SLIT2: variants seen among roughly 807,000 people sequenced by gnomAD.
The protein encoded by SLIT2 is slit guidance ligand 2.
Under a neutral mutation model 185.7 loss-of-function variants are expected in SLIT2, and 41 were observed. The observed-to-expected ratio is 0.22, with a 90% CI of 0.17 to 0.29. SLIT2 has a LOEUF of 0.29. Among genes scored for constraint, SLIT2 ranks in the 10% least tolerant of loss-of-function variants. The pLI, the probability that SLIT2 is intolerant of heterozygous loss-of-function variation, is 1.00. For missense variants in SLIT2, 1,571 were observed against 1,909.0 expected (o/e 0.82, Z 3.30); for synonymous variants, 693 against 680.2 (o/e 1.02, Z -0.29).
chr4:20,392,814 T>G (rs1417973267), intron 4 of SLIT2, among the ~76,000 whole-genome samples: 1 of 152,058 alleles, frequency 6.6e-6, no homozygotes, highest in African/African-American at 2.4e-5. Flanking sequence ...TGGAATGTCT[T>G]CAGAAGCGAT....
At chr4:20,354,053 G>C (rs1380704785) in intron 4 of SLIT2, among the ~76,000 whole-genome samples, 2 of 152,120 alleles carry the variant, frequency 1.3e-5, no homozygotes, top group African/African-American at 4.8e-5. Flanking sequence ...AAAGAGTGCT[G>C]TGTTAGCAGT....
At chr4:20,512,124 A>G (rs1719811370) in intron 11 of SLIT2, among the ~76,000 whole-genome samples, 1 of 152,186 alleles carries the variant, frequency 6.6e-6, no homozygotes, top group African/African-American at 2.4e-5. Context: ...AAGTCGGCAC[A>G]TTTTTATTTT....
intron 4 of SLIT2, among the ~76,000 whole-genome samples, chr4:20,430,061 G>A (rs1728855044): frequency 6.6e-6 from 1 of 152,052 alleles, no homozygotes; most frequent in African/African-American, 2.4e-5. Context: ...TAGAACATAA[G>A]ATGTTGGCTG....
intron 4 of SLIT2, among the ~76,000 whole-genome samples, chr4:20,314,359 G>C (rs1718391033): frequency 6.6e-6 from 1 of 152,158 alleles, no homozygotes; most frequent in South Asian, 2.1e-4. Context: ...CACAGTTTTA[G>C]AGGTTTATGT....
intron 5 of SLIT2, among the ~76,000 whole-genome samples, chr4:20,473,075 A>G (rs1311394827): frequency 1.3e-5 from 2 of 151,926 alleles, no homozygotes; most frequent in Non-Finnish European, 2.9e-5. Flanking sequence ...TTCAAAAAGG[A>G]CATATTTTAA....
intron 33 of SLIT2, among the ~76,000 whole-genome samples, chr4:20,598,928 A>G (rs1357607635): frequency 6.6e-6 from 1 of 152,182 alleles, no homozygotes; most frequent in Non-Finnish European, 1.5e-5. Context: ...TAGCTTGCAC[A>G]TGAGCTTCCT....
chr4:20,583,757 C>T (rs1008287523), intron 29 of SLIT2, among the ~76,000 whole-genome samples: 1 of 151,672 alleles, frequency 6.6e-6, no homozygotes, highest in African/African-American at 2.4e-5. Context: ...TGCAGTGAGC[C>T]AAGATCATGC....
At chr4:20,381,296 A>G (rs1354337706) in intron 4 of SLIT2, among the ~76,000 whole-genome samples, 1 of 152,054 alleles carries the variant, frequency 6.6e-6, no homozygotes, top group Admixed American at 6.6e-5. Flanking sequence ...ACCAGTGATG[A>G]AGAGAATATT....
At chr4:20,477,872 A>G (rs1013798086) in intron 5 of SLIT2, among the ~76,000 whole-genome samples, 1 of 152,198 alleles carries the variant, frequency 6.6e-6, no homozygotes, top group Non-Finnish European at 1.5e-5. Context: ...ATTGCAAATC[A>G]CATCTGAAGA....
intron 4 of SLIT2, among the ~76,000 whole-genome samples, chr4:20,270,968 A>T (rs1234320446): frequency 6.6e-6 from 1 of 151,260 alleles, no homozygotes; most frequent in Non-Finnish European, 1.5e-5. Context: ...CTTGTTTATG[A>T]TGGTGATAAT....
At chr4:20,422,653 A>G (rs967562301) in intron 4 of SLIT2, among the ~76,000 whole-genome samples, 2 of 152,100 alleles carry the variant, frequency 1.3e-5, no homozygotes, top group Non-Finnish European at 2.9e-5. Context: ...AGATGGTCTG[A>G]TCAGGGCAAG....
At chr4:20,472,713 T>C (rs1237512118) in intron 5 of SLIT2, among the ~76,000 whole-genome samples, 1 of 144,630 alleles carries the variant, frequency 6.9e-6, no homozygotes, top group African/African-American at 2.5e-5. Context: ...TTGAACAGGG[T>C]CATGTTACAT....
At chr4:20,259,647 T>C (rs1369397175) in intron 3 of SLIT2, among the ~76,000 whole-genome samples, 1 of 151,834 alleles carries the variant, frequency 6.6e-6, no homozygotes, top group African/African-American at 2.4e-5. Context: ...AACCAGATGC[T>C]ATATGCTCTG....
intron 9 of SLIT2, among the ~76,000 whole-genome samples, chr4:20,503,357 A>G (rs927620997): frequency 2.6e-5 from 4 of 152,162 alleles, no homozygotes; most frequent in African/African-American, 9.7e-5. Flanking sequence ...AATTTTTTAA[A>G]ACTAAAATAA....
At position 20,553,901 on chromosome 4, in the gene SLIT2, T is replaced by C. The variant is rs1484002442; in HGVS notation, c.2658T>C (p.Cys886=). ...SEYKEPGIAR[C]AGPGEMADKL... is the part of the protein sequence containing the mutation. Reference sequence around the variant, plus strand: ...ATAAGGAGCCTGGAATTGCTCGTTGTGCTGGTCCTGGAGAAATGGCAGATA... The same window carrying C: ...ATAAGGAGCCTGGAATTGCTCGTTGCGCTGGTCCTGGAGAAATGGCAGATA... The change falls in exon 26 of 37, where the codon TGT becomes TGC. Residue 886 remains cysteine (C), a synonymous_variant. Coordinates refer to ENST00000504154, the MANE Select transcript of SLIT2 (RefSeq NM_004787.4). The C allele has an allele frequency of 6.2e-7, 1 of 1,613,172 alleles. No homozygotes were observed. The highest frequency in any genetic ancestry group is 2.2e-5 in the East Asian group (1 of 44,860).
At chr4:20,268,955 T>TGTGTGTGCTTTCCTGGAATCTGTTC in intron 4 of SLIT2, 74 bp downstream of exon 4, 1 of 900,098 alleles carries the variant, frequency 1.1e-6, no homozygotes, top group Non-Finnish European at 1.9e-6. Flanking sequence ...TGGATCTGTT[T>TGTGTGTGCTTTCCTGGAATCTGTTC]GTGTGTGCTT....
rs758041849 is a variant in SLIT2, at chr4:20,519,378, T to G, written c.1059-4T>G. ...ATTTTTTTCATTTAAAATATTTTTT[T>G]CAGTGTCCTCTATGGAAATAAAATC... On this transcript the variant is annotated splice_polypyrimidine_tract_variant and splice_region_variant and intron_variant, in intron 11 of 36. Transcript: ENST00000504154. 6.7e-7 allele frequency: 1 copy of G among 1,497,962 alleles called. No individual in the cohort carries two copies. The allele number at this position is 1,497,962 out of a possible 1,614,324, so 92.8% of individuals were successfully genotyped here. A position where few individuals can be genotyped will look rare whatever the true frequency, so the allele number is the denominator to read the frequency against.
At chr4:20,411,094 C>T (rs1330856999) in intron 4 of SLIT2, among the ~76,000 whole-genome samples, 1 of 152,104 alleles carries the variant, frequency 6.6e-6, no homozygotes, top group East Asian at 1.9e-4. Flanking sequence ...TTTCTTTGAG[C>T]AGTGGTTTGT....
intron 17 of SLIT2, chr4:20,533,352 A>G (rs905502664): frequency 3.6e-6 from 2 of 550,438 alleles, no homozygotes; most frequent in South Asian, 4.6e-5. Context: ...AGAGTATGAC[A>G]TGAGTCACGC....
Sources: allele counts gnomAD v4.1 joint callset (sites outside exome capture counted in the v4.1 genomes callset), GRCh38; gene constraint gnomAD v4.1.1; transcripts MANE v1.5; gene names NCBI Gene and HGNC (gene_info 2026-07-23, HGNC 2026-07-21).